REXO5: variants seen among roughly 807,000 people sequenced by gnomAD.
REXO5 encodes the protein RNA exonuclease 5, also known as exonuclease NEF-sp.
Under a neutral mutation model 88.5 loss-of-function variants are expected in REXO5, and 48 were observed. The ratio of observed to expected loss-of-function variants is 0.54; its 90% confidence interval spans 0.43 to 0.69. REXO5 has a LOEUF of 0.69. REXO5 is among the 30% of genes least tolerant of loss of function. The pLI is 0.00. For missense variants in REXO5, 749 were observed against 912.2 expected (o/e 0.82, Z 2.30); for synonymous variants, 311 against 336.5 (o/e 0.92, Z 0.83).
chr16:20,840,297 A>G, intron 14 of REXO5, 34 bp from the exon 15 acceptor site: 2 of 1,469,934 alleles, frequency 1.4e-6, no homozygotes, highest in Non-Finnish European at 1.8e-6. Flanking sequence ...TTCCATATTC[A>G]TTCCCATACT....
chr16:20,830,267 G>A (rs2081321640), intron 11 of REXO5, among the ~76,000 whole-genome samples: 1 of 151,912 alleles, frequency 6.6e-6, no homozygotes, highest in African/African-American at 2.4e-5. Context: ...CTTCACTGCA[G>A]CCTCTGCCTC....
At position 20,827,457 on chromosome 16, in the gene REXO5, C is replaced by T. The variant is rs1358208659; in HGVS notation, c.1055+10C>T. 5 of 1,592,660 alleles carry T rather than the reference C, an allele frequency of 3.1e-6. No individual in the cohort carries two copies. The highest frequency in any genetic ancestry group is 2.2e-5 in the East Asian group (1 of 44,790). On this transcript the variant is annotated intron_variant, in intron 10 of 19. Coordinates refer to ENST00000261377, the MANE Select transcript of REXO5 (RefSeq NM_030941.3). ...CCAAAGTTATTTTGGGGTAGGTTTGCTTATATGCTGTAATATTGTTCTGAC... is the reference window on the plus strand; with the variant it reads ...CCAAAGTTATTTTGGGGTAGGTTTGTTTATATGCTGTAATATTGTTCTGAC...
intron 18 of REXO5, among the ~76,000 whole-genome samples, chr16:20,845,658 G>A (rs1456830930): frequency 6.6e-6 from 1 of 151,828 alleles, no homozygotes. Flanking sequence ...GACTTGTTTT[G>A]CTAATACTTG....
Position 20,849,563 on chromosome 16 carries a change from A to AC in REXO5, c.*85dup. ...ATGTGGTCAGGCTGTAGCCTCCCCA[A>AC]CCAGCAGACAGCTTTATGGAAACTT... On this transcript the variant is annotated 3_prime_UTR_variant, in exon 20 of 20. Coordinates refer to ENST00000261377, the MANE Select transcript of REXO5 (RefSeq NM_030941.3). 1 of 1,213,328 alleles carries AC rather than the reference A, an allele frequency of 8.2e-7. No individual in the cohort carries two copies. Among genetic ancestry groups the AC allele is most frequent in the Non-Finnish European group, 1.2e-6 (1 of 821,634 alleles). 75.2% of individuals were successfully genotyped at this position (1,213,328 alleles called of 1,614,324 possible).
At chr16:20,812,184 T>C (rs2081009235) in intron 2 of REXO5, among the ~76,000 whole-genome samples, 1 of 152,336 alleles carries the variant, frequency 6.6e-6, no homozygotes, top group African/African-American at 2.4e-5. Flanking sequence ...ATGAGTCTTT[T>C]GTAACAAACA....
intron 3 of REXO5, among the ~76,000 whole-genome samples, chr16:20,813,623 T>A (rs1330060069): frequency 1.3e-5 from 2 of 152,210 alleles, no homozygotes; most frequent in Non-Finnish European, 2.9e-5. Flanking sequence ...TACAATGTCC[T>A]ACCTGGCCTG....
chr16:20,849,623 T>C lies in REXO5; in HGVS notation c.*143T>C. Reference sequence around the variant, plus strand: ...GCTAAAAGAGTTTAGTTTGTTTATATGGCATGTATAAGTTTTCAATAAATG... The same window carrying C: ...GCTAAAAGAGTTTAGTTTGTTTATACGGCATGTATAAGTTTTCAATAAATG... On this transcript the variant is annotated 3_prime_UTR_variant, in exon 20 of 20. Transcript: ENST00000261377. 1.5e-6 allele frequency: 1 copy of C among 674,874 alleles called. No homozygotes were observed. The highest frequency in any genetic ancestry group is 2.6e-6 in the Non-Finnish European group (1 of 384,772). 41.8% of individuals were successfully genotyped at this position (674,874 alleles called of 1,614,324 possible).
At position 20,806,634 on chromosome 16, in the gene REXO5, C is replaced by A; in HGVS notation, c.-74C>A. The A allele has an allele frequency of 1.6e-6, 2 of 1,278,576 alleles. No homozygotes were observed. Among genetic ancestry groups the A allele is most frequent in the Non-Finnish European group, 1.0e-6 (1 of 959,014 alleles). 79.2% of individuals were successfully genotyped at this position (1,278,576 alleles called of 1,614,324 possible). On this transcript the variant is annotated 5_prime_UTR_variant, in exon 1 of 20. Transcript: ENST00000261377. ...TGGGGAGTGGTTTTAGGCGGCGAAG[C>A]CGCTCGGCAGCACCTTCCTTCTTTG...
intron 7 of REXO5, 195 bp from the exon 8 acceptor site, chr16:20,825,638 A>T (rs1408601421): frequency 3.6e-6 from 2 of 563,352 alleles, no homozygotes; most frequent in Non-Finnish European, 6.3e-6. Flanking sequence ...CACTGTGTTG[A>T]TCCTCTTAAG....
At chr16:20,822,494 A>G (rs935609099) in intron 6 of REXO5, among the ~76,000 whole-genome samples, 1 of 152,224 alleles carries the variant, frequency 6.6e-6, no homozygotes, top group Admixed American at 6.5e-5. Flanking sequence ...ATTTTTTACT[A>G]TGTTCACAGA....
At chr16:20,837,495 C>G (rs1009827396) in intron 13 of REXO5, among the ~76,000 whole-genome samples, 13 of 152,186 alleles carry the variant, frequency 8.5e-5, no homozygotes, top group African/African-American at 2.9e-4. Flanking sequence ...CTTTCATTCA[C>G]CTACTTTCTC....
intron 2 of REXO5, among the ~76,000 whole-genome samples, chr16:20,810,989 C>T (rs996651352): frequency 3.3e-5 from 5 of 152,184 alleles, no homozygotes; most frequent in African/African-American, 1.2e-4. Flanking sequence ...CATTGATGCC[C>T]TCCTTACCCT....
At chr16:20,817,255 C>G (rs1343866867) in intron 5 of REXO5, among the ~76,000 whole-genome samples, 1 of 152,174 alleles carries the variant, frequency 6.6e-6, no homozygotes, top group Non-Finnish European at 1.5e-5. Flanking sequence ...CTGTTGTTCT[C>G]TTCTTCTCAT....
chr16:20,821,355 C>T (rs572583969), intron 5 of REXO5, among the ~76,000 whole-genome samples: 26 of 152,256 alleles, frequency 1.7e-4, no homozygotes, highest in Admixed American at 3.3e-4. Flanking sequence ...GGCGCGATCT[C>T]GGCTCACTGC....
At chr16:20,829,844 T>C (rs910231701) in intron 11 of REXO5, among the ~76,000 whole-genome samples, 1 of 152,186 alleles carries the variant, frequency 6.6e-6, no homozygotes, top group Admixed American at 6.5e-5. Context: ...ATTCTGTCTT[T>C]TCTGTATACC....
intron 12 of REXO5, 78 bp from the exon 13 acceptor site, chr16:20,832,925 A>AG: frequency 7.3e-7 from 1 of 1,375,250 alleles, no homozygotes; most frequent in Non-Finnish European, 1.0e-6. Flanking sequence ...ACCATATTGT[A>AG]TAATGCAAGT....
chr16:20,816,088 T>G (rs756996233), intron 4 of REXO5, 28 bp from the exon 5 acceptor site: 1 of 1,596,468 alleles, frequency 6.3e-7, no homozygotes, highest in Admixed American at 1.7e-5. Context: ...TTCAACCATT[T>G]TTGTAAAACC....
At chr16:20,828,630 A>G in intron 11 of REXO5, 93 bp downstream of exon 11, 1 of 921,988 alleles carries the variant, frequency 1.1e-6, no homozygotes, top group Non-Finnish European at 1.7e-6. Flanking sequence ...ATCTATTTTT[A>G]TGAAAATGGC....
At chr16:20,810,251 C>T (rs1022553913) in intron 2 of REXO5, among the ~76,000 whole-genome samples, 24 of 152,080 alleles carry the variant, frequency 1.6e-4, no homozygotes, top group Admixed American at 1.2e-3. Flanking sequence ...ATAAATCCAT[C>T]GTAAATTGAA....
Sources: gnomAD v4.1 joint callset for allele counts (sites outside exome capture counted in the v4.1 genomes callset) on GRCh38, gnomAD v4.1.1 for gene constraint, MANE v1.5 for transcripts, NCBI Gene and HGNC (gene_info 2026-07-23, HGNC 2026-07-21) for gene names.